The following PDE8B variants were observed in gnomAD, a reference collection of about 807,000 sequenced individuals.
PDE8B encodes phosphodiesterase 8B, also known as high affinity cAMP-specific and IBMX-insensitive 3',5'-cyclic phosphodiesterase 8B.
PDE8B carries 26 observed loss-of-function variants against 101.3 expected under a neutral mutation model. That is an observed-to-expected ratio of 0.26 (90% CI 0.19 to 0.36). The LOEUF (loss-of-function observed/expected upper bound fraction) is 0.36. Among genes scored for constraint, PDE8B ranks in the 10% least tolerant of loss-of-function variants. The probability of loss-of-function intolerance (pLI) is 1.00; values close to 1 mark genes in which losing one functional copy is unlikely to be tolerated. For missense variants in PDE8B, 810 were observed against 1,163.1 expected, an observed-to-expected ratio of 0.70 and a Z score of 4.42; for synonymous variants, 424 against 429.3, an observed-to-expected ratio of 0.99 and a Z score of 0.15.
At chr5:77,136,708 C>A in the PDE8B span, among the ~76,000 whole-genome samples, 4 of 152,180 alleles carry the variant, frequency 2.6e-5, no homozygotes, top group Non-Finnish European at 4.4e-5. Flanking sequence ...AGAGAAGAAT[C>A]TTCCGGTCTC....
chr5:77,166,608 C>T, the PDE8B span: 1 of 152,128 alleles, frequency 6.6e-6, no homozygotes, highest in East Asian at 1.9e-4. Flanking sequence ...AGAGAATGAA[C>T]ACTCCCTTGT....
intron 1 of PDE8B, among the ~76,000 whole-genome samples, chr5:77,217,006 T>A (rs1404521646): frequency 6.6e-6 from 1 of 152,222 alleles, no homozygotes; most frequent in Non-Finnish European, 1.5e-5. Flanking sequence ...TTGTCTAAAA[T>A]AATGGCATTT....
chr5:77,406,996 C>T (rs538617883), intron 12 of PDE8B, among the ~76,000 whole-genome samples: 22 of 152,154 alleles, frequency 1.4e-4, no homozygotes, highest in East Asian at 5.8e-4. Context: ...TCTGGTTACA[C>T]GGCCAGCAGC....
chr5:77,200,772 G>A, the PDE8B span, among the ~76,000 whole-genome samples: 3 of 152,160 alleles, frequency 2.0e-5, no homozygotes, highest in Admixed American at 6.5e-5. Context: ...AGCCACTAGT[G>A]TCAAGTACCC....
At chr5:77,199,833 C>T in the PDE8B span, among the ~76,000 whole-genome samples, 2 of 152,094 alleles carry the variant, frequency 1.3e-5, no homozygotes, top group African/African-American at 2.4e-5. Flanking sequence ...AAGCTACCTC[C>T]GAAGTGGCAG....
Position 77,237,065 on chromosome 5 carries a change from A to G in PDE8B, c.339+25801A>G, listed in dbSNP as rs116114873. On this transcript the variant is annotated intron_variant, in intron 1 of 21. Transcript: ENST00000264917. ...TATCCCTAGTAATTTTCTTTAATCT[A>G]AAGTTTACTTAGACAGATATTCCCT... 7.2e-3 allele frequency among the ~76,000 whole-genome samples: 1,099 copies of G among 152,230 alleles called. 12 individuals carry two copies. The highest frequency in any genetic ancestry group is 0.025 in the African/African-American group (1,027 of 41,512).
At chr5:77,253,119 T>C (rs1484404909) in intron 1 of PDE8B, among the ~76,000 whole-genome samples, 1 of 152,194 alleles carries the variant, frequency 6.6e-6, no homozygotes, top group African/African-American at 2.4e-5. Context: ...AAACATCTGT[T>C]TTTAGGGTAA....
At chr5:77,358,182 A>G (rs1448801599) in intron 10 of PDE8B, among the ~76,000 whole-genome samples, 1 of 152,230 alleles carries the variant, frequency 6.6e-6, no homozygotes, top group East Asian at 1.9e-4. Context: ...AGCAGAACTG[A>G]GAGAAGAGGG....
At chr5:77,310,242 C>T (rs192098257) in intron 1 of PDE8B, among the ~76,000 whole-genome samples, 325 of 152,344 alleles carry the variant, frequency 2.1e-3, no homozygotes, top group African/African-American at 7.4e-3. Flanking sequence ...AGAGCCACCG[C>T]ATCTGGCCCA....
chr5:77,091,639 T>C, the PDE8B span, among the ~76,000 whole-genome samples: 1 of 152,024 alleles, frequency 6.6e-6, no homozygotes, highest in South Asian at 2.1e-4. Flanking sequence ...AGACTCTGTC[T>C]GAAAAATAAT....
At chr5:77,415,219 G>A (rs888761176) in intron 17 of PDE8B, among the ~76,000 whole-genome samples, 4 of 152,026 alleles carry the variant, frequency 2.6e-5, no homozygotes, top group African/African-American at 7.2e-5. Context: ...TCCATCATGA[G>A]GTGCTTCCAG....
At chr5:77,347,835 C>G (rs535706513) in intron 7 of PDE8B, among the ~76,000 whole-genome samples, 2 of 151,916 alleles carry the variant, frequency 1.3e-5, no homozygotes, top group Non-Finnish European at 2.9e-5. Flanking sequence ...GGGAAAGGCC[C>G]GGAGATGAGA....
chr5:77,264,676 T>G (rs571937007), intron 1 of PDE8B, among the ~76,000 whole-genome samples: 1 of 152,278 alleles, frequency 6.6e-6, no homozygotes, highest in East Asian at 1.9e-4. Flanking sequence ...ACATATCCAA[T>G]TTTATTATAA....
At chr5:77,312,105 CTTTTTTTTTTT>C in intron 2 of PDE8B, 52 bp downstream of exon 2, 3 of 871,452 alleles carry the variant, frequency 3.4e-6, no homozygotes, top group South Asian at 1.5e-5. Context: ...TTTTTTTTTT[CTTTTTTTTTTT>C]TTTTTGAGAT....
At chr5:77,279,281 C>T (rs1402660947) in intron 1 of PDE8B, among the ~76,000 whole-genome samples, 1 of 152,162 alleles carries the variant, frequency 6.6e-6, no homozygotes, top group African/African-American at 2.4e-5. Context: ...ATGGGCATGA[C>T]TTGAACAAAA....
At chr5:77,290,146 A>G in intron 1 of PDE8B, 1 of 1,298,680 alleles carries the variant, frequency 7.7e-7, no homozygotes, top group Non-Finnish European at 1.1e-6. Flanking sequence ...CACGTGTGGA[A>G]AATGAATTCC....
intron 1 of PDE8B, among the ~76,000 whole-genome samples, chr5:77,228,344 G>A (rs1332355331): frequency 6.6e-6 from 1 of 152,142 alleles, no homozygotes; most frequent in East Asian, 1.9e-4. Flanking sequence ...CGAATAGGTG[G>A]GAATCATTGG....
chr5:77,300,210 C>T (rs1172284398), intron 1 of PDE8B, among the ~76,000 whole-genome samples: 1 of 152,216 alleles, frequency 6.6e-6, no homozygotes, highest in African/African-American at 2.4e-5. Context: ...TGTTCTCATT[C>T]CTCTCTTAGA....
the PDE8B span, among the ~76,000 whole-genome samples, chr5:77,173,650 A>AG: frequency 6.6e-6 from 1 of 152,114 alleles, no homozygotes; most frequent in Non-Finnish European, 1.5e-5. Flanking sequence ...GAAGCCTACT[A>AG]GAGTTGTGAG....
Sources: allele counts gnomAD v4.1 joint callset (sites outside exome capture counted in the v4.1 genomes callset), GRCh38; gene constraint gnomAD v4.1.1; transcripts MANE v1.5; gene names NCBI Gene and HGNC (gene_info 2026-07-23, HGNC 2026-07-21).